Variants in CX3CL1 observed in about 807,000 individuals in gnomAD.
CX3CL1 encodes C-X3-C motif chemokine ligand 1.
Under a neutral mutation model 14.1 loss-of-function variants are expected in CX3CL1, and 1 was observed. The observed-to-expected ratio is 0.07, with a 90% CI of 0.03 to 0.34. The LOEUF is 0.34. Ranked by LOEUF, CX3CL1 falls within the 10% of genes least tolerant of loss-of-function variation. The pLI is 0.99. For synonymous variants in CX3CL1, 255 were observed against 229.6 expected (o/e 1.11, Z -1.00); for missense variants, 505 against 536.4 (o/e 0.94, Z 0.58).
chr16:57,378,777 G>C (rs748460682), intron 1 of CX3CL1: 5 of 151,870 alleles, frequency 3.3e-5, no homozygotes, highest in Non-Finnish European at 7.3e-5. Flanking sequence ...AGGATTTCTT[G>C]AGCCCAGGAT....
chr16:57,384,440 G>A lies in CX3CL1; in HGVS notation c.*1408G>A, dbSNP rs1026317366. On this transcript the variant is annotated 3_prime_UTR_variant, in exon 3 of 3. Coordinates refer to ENST00000006053, the MANE Select transcript of CX3CL1 (RefSeq NM_002996.6). ...TCCCTTTTTTGGCTGCTGAAGGCTC[G>A]AGCATGCCTGGATGGGGCTGCACCG... 2.6e-5 allele frequency: 4 copies of A among 152,386 alleles called. No individual in the cohort carries two copies. The highest frequency in any genetic ancestry group is 5.9e-5 in the Non-Finnish European group (4 of 68,200). The allele number at this position is 152,386 out of a possible 1,614,324, so 9.4% of individuals were successfully genotyped here.
rs773579770 is a variant in CX3CL1 at position 57,372,636 on chromosome 16, C to A, written c.68C>A (p.Ala23Asp). The A allele has an allele frequency of 5.6e-6, 9 of 1,613,604 alleles. No homozygotes were observed. The highest frequency in any genetic ancestry group is 6.8e-6 in the Non-Finnish European group (8 of 1,179,948). The change falls in exon 1 of 3, where the codon GCT becomes GAT. Residue 23 changes from alanine (A) to aspartate (D), a missense_variant and splice_region_variant. Physicochemically the swap from Ala to Asp is moderately radical, Grantham distance 126. Coordinates refer to ENST00000006053, the MANE Select transcript of CX3CL1 (RefSeq NM_002996.6). The part of the protein sequence containing the change: ...ATFCHLTVLL[A>D]GQHHGVTKCN... ...TTCTGCCATCTGACTGTCCTGCTGG[C>A]TGGTAAGTGGGGCTTGACTTGGGCA...
chr16:57,377,264 AG>A (rs765154326), intron 1 of CX3CL1: 2 of 152,202 alleles, frequency 1.3e-5, no homozygotes, highest in Non-Finnish European at 2.9e-5. Flanking sequence ...AGGCCATTTT[AG>A]GGGACTGCCA....
Position 57,382,865 on chromosome 16 carries a change from G to A in CX3CL1, c.1027G>A (p.Val343Met), listed in dbSNP as rs762102080. The change falls in exon 3 of 3, where the codon GTG (valine) becomes ATG (methionine). Residue 343 changes from valine to methionine, a missense_variant. By Grantham distance (21) the Val-to-Met change is conservative. Coordinates refer to ENST00000006053, the MANE Select transcript of CX3CL1 (RefSeq NM_002996.6). This position sits in a 1 kb window ranked among gnomAD's most constrained non-coding sequence, Gnocchi z 6.9. ...DAQAATRRQAVGLLAFLGLLF... is the reference protein window; with the variant it reads ...DAQAATRRQAMGLLAFLGLLF... ...CCAGGCTGCCACCCGGAGGCAGGCG[G>A]TGGGGCTGCTGGCCTTCCTTGGCCT... 1 of 1,561,386 alleles carries A rather than the reference G, an allele frequency of 6.4e-7. No homozygotes were observed. The highest frequency in any genetic ancestry group is 8.7e-7 in the Non-Finnish European group (1 of 1,149,092).
rs1164092364 is a variant in CX3CL1 at position 57,383,538 on chromosome 16, C to G, written c.*506C>G. On this transcript the variant is annotated 3_prime_UTR_variant, in exon 3 of 3. Coordinates refer to ENST00000006053, the MANE Select transcript of CX3CL1 (RefSeq NM_002996.6). ...ATCCTCTGTACAGAGCCCACGCCCCCACTGGTGACATGTCTTTTCTTGCAT... is the reference window on the plus strand; with the variant it reads ...ATCCTCTGTACAGAGCCCACGCCCCGACTGGTGACATGTCTTTTCTTGCAT... 1 of 153,536 alleles carries G rather than the reference C, an allele frequency of 6.5e-6. No individual in the cohort carries two copies. Among genetic ancestry groups the G allele is most frequent in the East Asian group, 1.9e-4 (1 of 5,216 alleles). The allele number at this position is 153,536 out of a possible 1,614,324, so 9.5% of individuals were successfully genotyped here.
At position 57,382,034 on chromosome 16, in the gene CX3CL1, GAGACGAGACAGCAC is replaced by G; in HGVS notation, c.199_212del (p.Thr67AlafsTer66). The G allele has an allele frequency of 6.3e-7, 1 of 1,575,594 alleles. No homozygotes were observed. Among genetic ancestry groups the G allele is most frequent in the Non-Finnish European group, 8.7e-7 (1 of 1,155,462 alleles). The stretch of plus-strand genomic sequence containing the variant: ...CCCTGTCTTCCTCCCTTGTAGCTTG[GAGACGAGACAGCAC>G]AGGCTGTTCTGTGCCGACCCGAAGG... On this transcript the variant is annotated frameshift_variant, in exon 3 of 3. Transcript: ENST00000006053. LOFTEE classifies it low-confidence loss of function (END_TRUNC). The surrounding 1 kb of genome is among the most constrained non-coding windows in gnomAD (Gnocchi z 6.9).
intron 2 of CX3CL1, among the ~76,000 whole-genome samples, chr16:57,381,632 C>G (rs894317713): frequency 1.8e-4 from 28 of 152,146 alleles, no homozygotes; most frequent in Admixed American, 1.8e-3. Context: ...TCAGCTATTA[C>G]TGATCTACTC....
Position 57,384,115 on chromosome 16 carries a change from A to G in CX3CL1, c.*1083A>G, listed in dbSNP as rs1332591012. ...CAGGAAAGGCTCCAGGAGCAGCCAC[A>G]TTCCTGATGCTTCTTCAGAGACTCC... On this transcript the variant is annotated 3_prime_UTR_variant, in exon 3 of 3. Transcript: ENST00000006053. 1.3e-5 allele frequency: 2 copies of G among 152,220 alleles called. No individual in the cohort carries two copies. Among genetic ancestry groups the G allele is most frequent in the Non-Finnish European group, 2.9e-5 (2 of 68,054 alleles). 9.4% of individuals were successfully genotyped at this position (152,220 alleles called of 1,614,324 possible).
rs901858509 is a variant in CX3CL1, at chr16:57,383,481, C to G, written c.*449C>G. 6.4e-6 allele frequency: 1 copy of G among 156,756 alleles called. No homozygotes were observed. The allele number at this position is 156,756 out of a possible 1,614,324, so 9.7% of individuals were successfully genotyped here. ...GTCCTGCTGCAGTTGCCAGTCACCC[C>G]GGCCACCTGCGGTGCTATCTCCCCC... is the stretch of plus-strand genomic sequence containing the variant. On this transcript the variant is annotated 3_prime_UTR_variant, in exon 3 of 3. Transcript: ENST00000006053.
At chr16:57,378,383 T>G (rs1463062845) in intron 1 of CX3CL1, 1 of 152,000 alleles carries the variant, frequency 6.6e-6, no homozygotes, top group Non-Finnish European at 1.5e-5. Context: ...AGACCCTGTC[T>G]CTTAAAAAAA....
chr16:57,382,760 A>G lies in CX3CL1; in HGVS notation c.922A>G (p.Thr308Ala). 6.2e-7 allele frequency: 1 copy of G among 1,611,404 alleles called. No homozygotes were observed. Among genetic ancestry groups the G allele is most frequent in the Non-Finnish European group, 8.5e-7 (1 of 1,179,600 alleles). ...SREPVASGSW[T>A]PKAEEPIHAT... ...GGAGCCAGTGGCTTCAGGCAGCTGGACCCCTAAGGCTGAGGAACCCATCCA... is the reference window on the plus strand; with the variant it reads ...GGAGCCAGTGGCTTCAGGCAGCTGGGCCCCTAAGGCTGAGGAACCCATCCA... The change falls in exon 3 of 3, where the codon ACC (threonine) becomes GCC (alanine). Residue 308 changes from threonine to alanine, a missense_variant. By Grantham distance (58) the Thr-to-Ala change is moderately conservative. Transcript: ENST00000006053. The surrounding 1 kb of genome is among the most constrained non-coding windows in gnomAD (Gnocchi z 6.9).
chr16:57,375,308 C>T (rs1452196175), intron 1 of CX3CL1, among the ~76,000 whole-genome samples: 2 of 152,226 alleles, frequency 1.3e-5, no homozygotes, highest in Admixed American at 6.5e-5. Flanking sequence ...AGCAATGGTC[C>T]TCAGTGAGTA....
chr16:57,372,674 G>A, intron 1 of CX3CL1, 36 bp downstream of exon 1: 1 of 1,606,728 alleles, frequency 6.2e-7, no homozygotes, highest in Non-Finnish European at 8.5e-7. Flanking sequence ...AACAGGGTAG[G>A]GAGCCCCCAG....
chr16:57,374,490 A>T lies in CX3CL1; in HGVS notation c.70+1852A>T, dbSNP rs76719870. On this transcript the variant is annotated intron_variant, in intron 1 of 2. Transcript: ENST00000006053. The stretch of plus-strand genomic sequence containing the variant: ...AATCTGTTTTAAGCTCCTATAGCCT[A>T]CCCGCCTCATTAGCAGTGGGGGTGG... Among the ~76,000 whole-genome samples the T allele has an allele frequency of 6.7e-3, 1,027 of 152,238 alleles. 10 individuals carry two copies. The highest frequency in any genetic ancestry group is 0.035 in the South Asian group (170 of 4,818).
At position 57,372,557 on chromosome 16, in the gene CX3CL1, C is replaced by T; in HGVS notation, c.-12C>T. 2.5e-6 allele frequency: 4 copies of T among 1,611,122 alleles called. No homozygotes were observed. In the African/African-American group the frequency reaches 4.0e-5, roughly 16 times the overall value. ...GCCTGGCCCCCGCCGGGACTCTTGC[C>T]CACCCTCAGCCATGGCTCCGATATC... On this transcript the variant is annotated 5_prime_UTR_variant, in exon 1 of 3. Transcript: ENST00000006053.
rs769080606 is a variant in CX3CL1 at position 57,382,863 on chromosome 16, C to T, written c.1025C>T (p.Ala342Val). 2.2e-5 allele frequency: 34 copies of T among 1,557,334 alleles called. No homozygotes were observed. In the East Asian group the frequency reaches 4.8e-4, roughly 22 times the overall value. The change falls in exon 3 of 3, where the codon GCG becomes GTG. Residue 342 changes from alanine (A) to valine (V), a missense_variant. Physicochemically the swap from Ala to Val is moderately conservative, Grantham distance 64. Coordinates refer to ENST00000006053, the MANE Select transcript of CX3CL1 (RefSeq NM_002996.6). The surrounding 1 kb of genome is among the most constrained non-coding windows in gnomAD (Gnocchi z 6.9). ...PDAQAATRRQ[A>V]VGLLAFLGLL... ...GCCCAGGCTGCCACCCGGAGGCAGG[C>T]GGTGGGGCTGCTGGCCTTCCTTGGC...
chr16:57,376,518 G>A (rs1597996373), intron 1 of CX3CL1, among the ~76,000 whole-genome samples: 1 of 151,898 alleles, frequency 6.6e-6, no homozygotes, highest in Non-Finnish European at 1.5e-5. Context: ...ATGGATGGAT[G>A]GATGGATGGG....
chr16:57,382,092 C>T lies in CX3CL1; in HGVS notation c.254C>T (p.Ala85Val), dbSNP rs373726471. The T allele has an allele frequency of 7.3e-5, 118 of 1,613,468 alleles. 1 individual carries two copies. The highest frequency in any genetic ancestry group is 2.3e-4 in the Admixed American group (14 of 59,928). Residue 85 changes from alanine to valine, a missense_variant, in exon 3 of 3, where the codon GCG becomes GTG. Ala to Val is a moderately conservative substitution (Grantham distance 64, BLOSUM62 0). Transcript: ENST00000006053. The surrounding 1 kb of genome is among the most constrained non-coding windows in gnomAD (Gnocchi z 6.9). ...ADPKEQWVKD[A>V]MQHLDRQAAA... ...CCGAAGGAGCAATGGGTCAAGGACG[C>T]GATGCAGCATCTGGACCGCCAGGCT...
chr16:57,381,307 A>G (rs1166268981), intron 2 of CX3CL1, among the ~76,000 whole-genome samples: 1 of 152,098 alleles, frequency 6.6e-6, no homozygotes, highest in African/African-American at 2.4e-5. Context: ...CTTGGTGGTG[A>G]ACTAGCCACA....
Sources: gnomAD v4.1 joint callset for allele counts (sites outside exome capture counted in the v4.1 genomes callset) on GRCh38, gnomAD v4.1.1 for gene constraint, Gnocchi (gnomAD v3.1) non-coding constraint, MANE v1.5 for transcripts, NCBI Gene and HGNC (gene_info 2026-07-23, HGNC 2026-07-21) for gene names.